The following PPP1R12B variants were observed in gnomAD, a reference collection of about 807,000 sequenced individuals.
PPP1R12B encodes protein phosphatase 1 regulatory subunit 12B.
A neutral mutation model predicts 126.1 loss-of-function variants in PPP1R12B; 76 were observed. The ratio of observed to expected loss-of-function variants is 0.60; its 90% CI spans 0.50 to 0.73. The LOEUF (loss-of-function observed/expected upper bound fraction) is 0.73, where lower values mean the gene tolerates loss of function less well. Ranked by LOEUF, PPP1R12B falls within the 30% of genes least tolerant of loss-of-function variation. PPP1R12B has a pLI of 0.00. For synonymous variants in PPP1R12B, 356 were observed against 434.7 expected, an observed-to-expected ratio of 0.82 and a Z score of 2.25; for missense variants, 1,052 against 1,205.1, an observed-to-expected ratio of 0.87 and a Z score of 1.88.
intron 3 of PPP1R12B, 97 bp downstream of exon 3, chr1:202,422,835 T>A: frequency 6.5e-7 from 1 of 1,549,684 alleles, no homozygotes; most frequent in Non-Finnish European, 8.7e-7. Flanking sequence ...CACTATCACA[T>A]GACAGGAGAG....
intron 8 of PPP1R12B, among the ~76,000 whole-genome samples, chr1:202,432,958 C>T (rs1670366987): frequency 6.6e-6 from 1 of 152,210 alleles, no homozygotes; most frequent in Non-Finnish European, 1.5e-5. Flanking sequence ...GAGAATACTA[C>T]CCTTCTTCAT....
In PPP1R12B at chr1:202,440,847, C is replaced by T; in HGVS notation, c.1541+59C>T. On this transcript the variant is annotated intron_variant, in intron 11 of 23. Coordinates refer to ENST00000608999, the MANE Select transcript of PPP1R12B (RefSeq NM_002481.4). Reference sequence around the variant, plus strand: ...TCCTCTTAGGTCTACTGGACATAGTCATCTCCTGGGCATTACTCTTCTGCA... The same window carrying T: ...TCCTCTTAGGTCTACTGGACATAGTTATCTCCTGGGCATTACTCTTCTGCA... The T allele has an allele frequency of 4.3e-6, 6 of 1,387,678 alleles. No homozygotes were observed. The South Asian group carries it at 7.1e-5, about 16-fold the overall frequency. 86.0% of individuals were successfully genotyped at this position (1,387,678 alleles called of 1,614,324 possible).
intron 13 of PPP1R12B, chr1:202,473,887 T>A (rs772932722): frequency 5.6e-6 from 3 of 531,630 alleles, no homozygotes; most frequent in Non-Finnish European, 1.2e-5. Flanking sequence ...GCCACTTACC[T>A]TTCTTGCTAT....
At chr1:202,575,148 A>C (rs1230889628) in intron 23 of PPP1R12B, 4 of 1,607,262 alleles carry the variant, frequency 2.5e-6, no homozygotes, top group Non-Finnish European at 3.4e-6. Flanking sequence ...TCTTGCCCCT[A>C]CTCTCCAACT....
chr1:202,364,875 C>T (rs1658910259), intron 1 of PPP1R12B, among the ~76,000 whole-genome samples: 2 of 152,120 alleles, frequency 1.3e-5, no homozygotes, highest in African/African-American at 4.8e-5. Context: ...GGCGCCCGGC[C>T]TCATTTTAAA....
At chr1:202,498,161 T>G (rs1451340695) in intron 18 of PPP1R12B, among the ~76,000 whole-genome samples, 2 of 152,192 alleles carry the variant, frequency 1.3e-5, no homozygotes, top group Non-Finnish European at 2.9e-5. Flanking sequence ...ATTAAGATGA[T>G]CTTGATGCAG....
At chr1:202,356,521 T>C (rs1351818650) in intron 1 of PPP1R12B, among the ~76,000 whole-genome samples, 1 of 152,092 alleles carries the variant, frequency 6.6e-6, no homozygotes, top group Non-Finnish European at 1.5e-5. Flanking sequence ...AAAGAGACTT[T>C]GGGGATATGA....
At chr1:202,469,918 TG>T (rs1675602144) in intron 13 of PPP1R12B, among the ~76,000 whole-genome samples, 1 of 152,308 alleles carries the variant, frequency 6.6e-6, no homozygotes, top group Non-Finnish European at 1.5e-5. Flanking sequence ...TATACGTAAG[TG>T]CTTTTTTAGG....
At chr1:202,555,878 CT>C (rs1417678339) in intron 18 of PPP1R12B, among the ~76,000 whole-genome samples, 280 of 142,088 alleles carry the variant, frequency 2.0e-3, no homozygotes, top group South Asian at 3.8e-3. Context: ...ATATAATATT[CT>C]TTTTTTTTTT....
At chr1:202,380,723 G>A (rs1662112962) in intron 1 of PPP1R12B, among the ~76,000 whole-genome samples, 1 of 152,122 alleles carries the variant, frequency 6.6e-6, no homozygotes, top group African/African-American at 2.4e-5. Flanking sequence ...TTATTACTCT[G>A]AACTTGAGTG....
chr1:202,543,764 C>A (rs1289583098), intron 18 of PPP1R12B, among the ~76,000 whole-genome samples: 2 of 152,092 alleles, frequency 1.3e-5, no homozygotes, highest in Non-Finnish European at 2.9e-5. Flanking sequence ...CAAACACATC[C>A]CTCTTCCTCA....
chr1:202,451,796 G>T (rs1672971372), intron 13 of PPP1R12B, among the ~76,000 whole-genome samples: 1 of 151,314 alleles, frequency 6.6e-6, no homozygotes, highest in Non-Finnish European at 1.5e-5. Flanking sequence ...GGCAGGGTGG[G>T]GGCTGACCCC....
chr1:202,468,099 A>C (rs1675298716), intron 13 of PPP1R12B, among the ~76,000 whole-genome samples: 1 of 151,792 alleles, frequency 6.6e-6, no homozygotes, highest in South Asian at 2.1e-4. Context: ...AATTTGTTTG[A>C]GTTCGTTGTA....
intron 14 of PPP1R12B, among the ~76,000 whole-genome samples, chr1:202,492,106 C>T (rs1678955950): frequency 3.3e-5 from 5 of 152,164 alleles, no homozygotes; most frequent in Admixed American, 3.3e-4. Flanking sequence ...TCCCCCTACC[C>T]AAGTTCTTTT....
intron 13 of PPP1R12B, among the ~76,000 whole-genome samples, chr1:202,457,564 A>G (rs995659482): frequency 1.3e-5 from 2 of 152,002 alleles, no homozygotes; most frequent in South Asian, 4.1e-4. Context: ...AAAAAAAAAA[A>G]AAAGAAAGAA....
At chr1:202,462,637 C>T (rs1674461638) in intron 13 of PPP1R12B, 1 of 274,624 alleles carries the variant, frequency 3.6e-6, no homozygotes. Flanking sequence ...GTTCATTTTT[C>T]AGAGCTGTGA....
At chr1:202,392,267 A>G (rs1459277182) in intron 1 of PPP1R12B, among the ~76,000 whole-genome samples, 1 of 152,186 alleles carries the variant, frequency 6.6e-6, no homozygotes, top group Non-Finnish European at 1.5e-5. Flanking sequence ...CAAAATGTGT[A>G]TCCATACAAT....
In PPP1R12B at chr1:202,471,941, G is replaced by A. The variant is rs1418565962; in HGVS notation, c.1851-16592G>A. On this transcript the variant is annotated intron_variant, in intron 13 of 23. Transcript: ENST00000608999. ...CCGTAGGCTGGCAGAGGACAGTGGA[G>A]CAGCCAACACACAAAACTACCGTTT... 1.9e-6 allele frequency: 3 copies of A among 1,596,816 alleles called. No individual in the cohort carries two copies. The South Asian group carries it at 3.3e-5, about 18-fold the overall frequency.
chr1:202,474,364 C>T (rs1676355928), intron 13 of PPP1R12B, among the ~76,000 whole-genome samples: 1 of 151,736 alleles, frequency 6.6e-6, no homozygotes, highest in African/African-American at 2.4e-5. Context: ...CTCACTGCAA[C>T]CTCTGCCTTC....
Sources: gnomAD v4.1 joint callset for allele counts (sites outside exome capture counted in the v4.1 genomes callset) on GRCh38, gnomAD v4.1.1 for gene constraint, MANE v1.5 for transcripts, NCBI Gene and HGNC (gene_info 2026-07-23, HGNC 2026-07-21) for gene names.